GPC6: variants seen among roughly 807,000 people sequenced by gnomAD.
GPC6 encodes glypican 6, also known as glypican-6.
Under a neutral mutation model 55.2 loss-of-function variants are expected in GPC6, and 14 were observed. The ratio of observed to expected loss-of-function variants is 0.25; its 90% CI spans 0.17 to 0.40. The LOEUF is 0.40. Among genes scored for constraint, GPC6 ranks in the 10% least tolerant of loss-of-function variants. GPC6 has a pLI of 1.00. For missense variants in GPC6, 641 were observed against 708.5 expected, an observed-to-expected ratio of 0.90 and a Z score of 1.08; for synonymous variants, 278 against 259.6, an observed-to-expected ratio of 1.07 and a Z score of -0.68.
intron 2 of GPC6, among the ~76,000 whole-genome samples, chr13:93,607,740 T>TCAC (rs1416921863): frequency 6.6e-6 from 1 of 152,162 alleles, no homozygotes; most frequent in Non-Finnish European, 1.5e-5. Context: ...ACAGCCTTCA[T>TCAC]CACCACTGCC....
chr13:93,518,892 G>T (rs1881306492), intron 1 of GPC6, among the ~76,000 whole-genome samples: 1 of 151,942 alleles, frequency 6.6e-6, no homozygotes, highest in Non-Finnish European at 1.5e-5. Flanking sequence ...CTAAACCAGG[G>T]ATTAGCAAAC....
At chr13:93,828,808 T>C (rs1018600353) in intron 2 of GPC6, among the ~76,000 whole-genome samples, 4 of 152,188 alleles carry the variant, frequency 2.6e-5, no homozygotes, top group African/African-American at 9.7e-5. Context: ...AAAACATTTA[T>C]CATTATTATA....
At chr13:94,211,046 G>T (rs1890059889) in intron 4 of GPC6, among the ~76,000 whole-genome samples, 1 of 152,210 alleles carries the variant, frequency 6.6e-6, no homozygotes, top group South Asian at 2.1e-4. Flanking sequence ...GACTAGGCCA[G>T]TGGAGACATT....
chr13:94,030,900 T>G (rs1883098353), intron 4 of GPC6, among the ~76,000 whole-genome samples: 2 of 152,208 alleles, frequency 1.3e-5, no homozygotes, highest in Non-Finnish European at 1.5e-5. Context: ...AGTGACTGTT[T>G]AGAGTTCAGT....
At chr13:93,757,613 C>A (rs534546932) in intron 2 of GPC6, among the ~76,000 whole-genome samples, 22 of 152,298 alleles carry the variant, frequency 1.4e-4, no homozygotes, top group African/African-American at 4.8e-4. Context: ...GAGCTCACAT[C>A]TCTAACTCTC....
intron 1 of GPC6, among the ~76,000 whole-genome samples, chr13:93,468,064 T>C (rs1217861227): frequency 1.3e-5 from 2 of 152,192 alleles, no homozygotes; most frequent in Non-Finnish European, 2.9e-5. Flanking sequence ...ATCATTTGTC[T>C]TGATCTTAAT....
chr13:93,398,872 A>G (rs890184300), intron 1 of GPC6, among the ~76,000 whole-genome samples: 10 of 152,170 alleles, frequency 6.6e-5, no homozygotes, highest in Non-Finnish European at 1.2e-4. Flanking sequence ...GTATTAGACA[A>G]TTGTCTTCAG....
chr13:93,535,953 C>T lies in GPC6; in HGVS notation c.161-9310C>T, dbSNP rs1195481958. On this transcript the variant is annotated intron_variant, in intron 1 of 8. Transcript: ENST00000377047. ...CTGTATGTTTGGGAATGTCACAGTACTCTCTCCCTCATGCTCTAACAAGCA... is the reference window on the plus strand; with the variant it reads ...CTGTATGTTTGGGAATGTCACAGTATTCTCTCCCTCATGCTCTAACAAGCA... 2.0e-5 allele frequency among the ~76,000 whole-genome samples: 3 copies of T among 152,136 alleles called. No individual in the cohort carries two copies. In the East Asian group the frequency reaches 5.8e-4, roughly 29 times the overall value.
intron 2 of GPC6, among the ~76,000 whole-genome samples, chr13:93,617,698 T>G (rs1002305779): frequency 1.1e-4 from 16 of 152,038 alleles, no homozygotes; most frequent in Non-Finnish European, 2.1e-4. Flanking sequence ...TTTATGGGAG[T>G]TGGAAAATAA....
At chr13:93,366,020 A>C (rs1314405039) in intron 1 of GPC6, among the ~76,000 whole-genome samples, 1 of 152,102 alleles carries the variant, frequency 6.6e-6, no homozygotes, top group Non-Finnish European at 1.5e-5. Context: ...GGTAACAAGC[A>C]TCAAAACAAT....
intron 2 of GPC6, among the ~76,000 whole-genome samples, chr13:93,797,899 A>G (rs780411703): frequency 3.3e-5 from 5 of 152,172 alleles, no homozygotes; most frequent in African/African-American, 4.8e-5. Flanking sequence ...AAAGGTTACA[A>G]TTTTGTTAGT....
At chr13:93,596,888 G>A (rs1877771506) in intron 2 of GPC6, among the ~76,000 whole-genome samples, 1 of 148,108 alleles carries the variant, frequency 6.8e-6, no homozygotes, top group Admixed American at 6.9e-5. Context: ...TGGAGCCTAA[G>A]AAGTGCCAAG....
intron 4 of GPC6, among the ~76,000 whole-genome samples, chr13:94,068,734 G>C (rs1020061822): frequency 3.9e-5 from 6 of 152,168 alleles, no homozygotes; most frequent in African/African-American, 1.4e-4. Context: ...CAGCAGAGAA[G>C]TCAAATCTTA....
rs1477431746 is a variant in GPC6, at chr13:93,493,405, TTCTC to T, written c.161-51854_161-51851del. On this transcript the variant is annotated intron_variant, in intron 1 of 8. Coordinates refer to ENST00000377047, the MANE Select transcript of GPC6 (RefSeq NM_005708.5). ...ATTTTTTATTGTGTCTATTTGATTC[TTCTC>T]TCTTTTTTTCTTTATTAGTCTTGCT... Among the ~76,000 whole-genome samples, 34 of 90,006 alleles carry T rather than the reference TTCTC, an allele frequency of 3.8e-4. 2 individuals carry two copies. The highest frequency in any genetic ancestry group is 1.4e-3 in the African/African-American group (33 of 24,014). The allele number at this position is 90,006 out of a possible 152,430, so 59.0% of individuals were successfully genotyped here.
At chr13:93,524,380 A>C (rs1298967665) in intron 1 of GPC6, among the ~76,000 whole-genome samples, 1 of 152,058 alleles carries the variant, frequency 6.6e-6, no homozygotes, top group East Asian at 1.9e-4. Flanking sequence ...CTAGAGATGA[A>C]TAAATAGGTA....
chr13:93,627,336 T>A (rs936047651), intron 2 of GPC6, among the ~76,000 whole-genome samples: 3 of 152,140 alleles, frequency 2.0e-5, no homozygotes, highest in African/African-American at 7.2e-5. Flanking sequence ...CATGAACTCA[T>A]CCTTTTTTAT....
Position 93,545,039 on chromosome 13 carries a change from T to C in GPC6, c.161-224T>C, listed in dbSNP as rs141637793. Among the ~76,000 whole-genome samples the C allele has an allele frequency of 3.3e-3, 498 of 152,278 alleles. 3 individuals carry two copies. Among genetic ancestry groups the C allele is most frequent in the African/African-American group, 0.011 (462 of 41,568 alleles). ...TGAAGTTTTAATGCACCTTCACTTATATGATGAGGAACAGAGACTAAATAT... is the reference window on the plus strand; with the variant it reads ...TGAAGTTTTAATGCACCTTCACTTACATGATGAGGAACAGAGACTAAATAT... On this transcript the variant is annotated intron_variant, in intron 1 of 8. Transcript: ENST00000377047.
chr13:93,420,400 A>T (rs1454213481), intron 1 of GPC6, among the ~76,000 whole-genome samples: 1 of 152,152 alleles, frequency 6.6e-6, no homozygotes, highest in Non-Finnish European at 1.5e-5. Context: ...GCTGAGTTGG[A>T]GAATGGCTTT....
At chr13:93,506,571 C>G (rs950311462) in intron 1 of GPC6, among the ~76,000 whole-genome samples, 4 of 152,076 alleles carry the variant, frequency 2.6e-5, no homozygotes, top group African/African-American at 4.8e-5. Context: ...TTCCAGGCTA[C>G]CAGTGCATCT....
Sources: allele counts gnomAD v4.1 joint callset (sites outside exome capture counted in the v4.1 genomes callset), GRCh38; gene constraint gnomAD v4.1.1; transcripts MANE v1.5; gene names NCBI Gene and HGNC (gene_info 2026-07-23, HGNC 2026-07-21).